Variants in TGM3 observed in about 807,000 individuals in gnomAD.
TGM3 encodes the protein transglutaminase 3.
Under a neutral mutation model 73.8 loss-of-function variants are expected in TGM3, and 52 were observed. That is an observed-to-expected ratio of 0.70 (90% CI 0.56 to 0.89). The LOEUF is 0.89. Ranked by LOEUF, TGM3 falls within the 40% of genes least tolerant of loss-of-function variation. TGM3 has a pLI of 0.00. For synonymous variants in TGM3, 372 were observed against 354.9 expected (o/e 1.05, Z -0.54); for missense variants, 928 against 909.9 (o/e 1.02, Z -0.26).
intron 10 of TGM3, 45 bp from the exon 11 acceptor site, chr20:2,335,071 C>T: frequency 6.2e-7 from 1 of 1,610,384 alleles, no homozygotes; most frequent in South Asian, 1.1e-5. Flanking sequence ...GTTCAGAAGC[C>T]ATCCCCACTC....
chr20:2,326,958 CT>C (rs1456116610), intron 8 of TGM3, among the ~76,000 whole-genome samples: 1 of 152,184 alleles, frequency 6.6e-6, no homozygotes, highest in Non-Finnish European at 1.5e-5. Context: ...CCCCCAACCC[CT>C]AGCTCCTCTA....
intron 1 of TGM3, among the ~76,000 whole-genome samples, chr20:2,308,618 T>A (rs1295158419): frequency 6.6e-6 from 1 of 152,184 alleles, no homozygotes; most frequent in African/African-American, 2.4e-5. Context: ...CCAGTGAGCA[T>A]TTGCAAGTCC....
At chr20:2,317,938 T>TATA in intron 7 of TGM3, among the ~76,000 whole-genome samples, 1 of 140,998 alleles carries the variant, frequency 7.1e-6, no homozygotes, top group Middle Eastern at 3.6e-3. Flanking sequence ...TATATATATA[T>TATA]ATATCATATA....
intron 12 of TGM3, 34 bp from the exon 13 acceptor site, chr20:2,340,400 T>C (rs1466103400): frequency 2.5e-6 from 4 of 1,612,718 alleles, no homozygotes; most frequent in Non-Finnish European, 3.4e-6. Context: ...TCCGTGTGTC[T>C]CGTATCAACA....
chr20:2,325,715 A>G (rs2122237688), intron 7 of TGM3, 134 bp from the exon 8 acceptor site: 1 of 682,902 alleles, frequency 1.5e-6, no homozygotes, highest in East Asian at 2.7e-5. Flanking sequence ...AGGGCTTAGC[A>G]TAACCGCCGT....
intron 9 of TGM3, among the ~76,000 whole-genome samples, chr20:2,330,793 G>T (rs1190958619): frequency 6.6e-6 from 1 of 152,072 alleles, no homozygotes; most frequent in African/African-American, 2.4e-5. Flanking sequence ...ATCACCTGAG[G>T]TCAGGAGTTT....
chr20:2,296,639 G>C (rs1421865307), intron 1 of TGM3, among the ~76,000 whole-genome samples: 1 of 152,136 alleles, frequency 6.6e-6, no homozygotes, highest in Non-Finnish European at 1.5e-5. Context: ...TAAGTGACTT[G>C]ATGAGCTGAA....
chr20:2,340,324 C>T, intron 12 of TGM3, 110 bp from the exon 13 acceptor site: 1 of 1,469,848 alleles, frequency 6.8e-7, no homozygotes. Flanking sequence ...GCTAAAGAAG[C>T]AGTGGCCTTG....
At chr20:2,327,720 C>G (rs1055208333) in intron 8 of TGM3, among the ~76,000 whole-genome samples, 1 of 152,128 alleles carries the variant, frequency 6.6e-6, no homozygotes, top group African/African-American at 2.4e-5. Context: ...GAGGTCCCTG[C>G]AGGCTGCCTG....
At chr20:2,310,142 CTTG>C in intron 2 of TGM3, 33 bp from the exon 3 acceptor site, 1 of 1,612,334 alleles carries the variant, frequency 6.2e-7, no homozygotes, top group Non-Finnish European at 8.5e-7. Context: ...CTGACCAGTG[CTTG>C]TTGGTTTTCT....
rs2084193295 is a variant in TGM3 at position 2,309,795 on chromosome 20, G to T, written c.146G>T (p.Gly49Val). The T allele has an allele frequency of 6.2e-7, 1 of 1,614,070 alleles. No individual in the cohort carries two copies. Among genetic ancestry groups the T allele is most frequent in the Non-Finnish European group, 8.5e-7 (1 of 1,180,032 alleles). ...TTAATGATCATGAACAAAGGCCTTG[G>T]CTCTAACGAAAGACTGGAGTTCATT... is the stretch of plus-strand genomic sequence containing the variant. ...QVLMIMNKGL[G>V]SNERLEFIVS... The change falls in exon 2 of 13, where the codon GGC becomes GTC. Residue 49 changes from glycine to valine, a missense_variant. Transcript: ENST00000381458.
At position 2,341,005 on chromosome 20, in the gene TGM3, C is replaced by T; in HGVS notation, c.*424C>T. On this transcript the variant is annotated 3_prime_UTR_variant, in exon 13 of 13. Transcript: ENST00000381458. The stretch of plus-strand genomic sequence containing the variant: ...TTCTCTCTCAGGCCACCACAGAGGG[C>T]AGGGGATGGTTAGTCACCTGCCCCA... 4.4e-6 allele frequency: 2 copies of T among 455,748 alleles called. No homozygotes were observed. Among genetic ancestry groups the T allele is most frequent in the Non-Finnish European group, 8.8e-6 (2 of 226,556 alleles). 28.2% of individuals were successfully genotyped at this position (455,748 alleles called of 1,614,324 possible). A position where few individuals can be genotyped will look rare whatever the true frequency, so the allele number is the denominator to read the frequency against.
chr20:2,301,590 G>C (rs777569910), intron 1 of TGM3, among the ~76,000 whole-genome samples: 32 of 151,542 alleles, frequency 2.1e-4, no homozygotes, highest in Non-Finnish European at 4.4e-4. Context: ...GTAAGCATTA[G>C]CCGTGTGAAA....
Position 2,325,933 on chromosome 20 carries a change from C to T in TGM3, c.1068C>T (p.Thr356=), listed in dbSNP as rs2084285414. The T allele has an allele frequency of 3.1e-6, 5 of 1,594,536 alleles. No individual in the cohort carries two copies. The highest frequency in any genetic ancestry group is 1.3e-5 in the African/African-American group (1 of 74,636). The change falls in exon 8 of 13, where the codon ACC becomes ACT. Residue 356 remains threonine (T), a synonymous_variant. Transcript: ENST00000381458. ...SYGGWQVLDA[T]PQERSQGVFQ... ...GTGGATGGCAGGTGTTGGATGCTACCCCGCAGGAAAGAAGCCAAGGTAACT... is the reference window on the plus strand; with the variant it reads ...GTGGATGGCAGGTGTTGGATGCTACTCCGCAGGAAAGAAGCCAAGGTAACT...
In TGM3 at chr20:2,300,709, TAGTC is replaced by T. The variant is rs563066372; in HGVS notation, c.7+4643_7+4646del. Among the ~76,000 whole-genome samples, 523 of 152,342 alleles carry T rather than the reference TAGTC, an allele frequency of 3.4e-3. 1 individual carries two copies. Among genetic ancestry groups the T allele is most frequent in the Non-Finnish European group, 6.1e-3 (413 of 68,026 alleles). ...AATGGGGACAGCAACACCATTTTGA[TAGTC>T]AGTATTTCGTGACTATTAAAAAACA... On this transcript the variant is annotated intron_variant, in intron 1 of 12. Coordinates refer to ENST00000381458, the MANE Select transcript of TGM3 (RefSeq NM_003245.4).
chr20:2,328,927 C>T lies in TGM3; in HGVS notation c.1333+562C>T, dbSNP rs963226332. ...TCAGGCATGCTACATTGCTCGTCCC[C>T]CTGAAGTCACCTTGGAAAGCCAGTT... On this transcript the variant is annotated intron_variant, in intron 9 of 12. Coordinates refer to ENST00000381458, the MANE Select transcript of TGM3 (RefSeq NM_003245.4). The surrounding 1 kb of genome is among the most constrained non-coding windows in gnomAD (Gnocchi z 5.2). Among the ~76,000 whole-genome samples the T allele has an allele frequency of 6.6e-6, 1 of 152,168 alleles. No homozygotes were observed. Among genetic ancestry groups the T allele is most frequent in the Non-Finnish European group, 1.5e-5 (1 of 68,034 alleles).
intron 3 of TGM3, among the ~76,000 whole-genome samples, 198 bp downstream of exon 3, chr20:2,310,615 C>A (rs974413683): frequency 6.6e-6 from 1 of 152,222 alleles, no homozygotes; most frequent in African/African-American, 2.4e-5. Flanking sequence ...TCTCTCCAAG[C>A]CCCAATGTCC....
chr20:2,336,178 C>T (rs1281965740), intron 11 of TGM3, among the ~76,000 whole-genome samples: 2 of 151,376 alleles, frequency 1.3e-5, no homozygotes, highest in African/African-American at 2.4e-5. Flanking sequence ...AGCACCTGTG[C>T]GGACTCCAAG....
At chr20:2,340,181 G>C (rs2084373574) in intron 12 of TGM3, among the ~76,000 whole-genome samples, 194 bp downstream of exon 12, 1 of 152,166 alleles carries the variant, frequency 6.6e-6, no homozygotes, top group South Asian at 2.1e-4. Context: ...AGAAGAACAG[G>C]TCACCAGAGC....
Sources: gnomAD v4.1 joint callset for allele counts (sites outside exome capture counted in the v4.1 genomes callset) on GRCh38, gnomAD v4.1.1 for gene constraint, Gnocchi (gnomAD v3.1) non-coding constraint, MANE v1.5 for transcripts, NCBI Gene and HGNC (gene_info 2026-07-23, HGNC 2026-07-21) for gene names.